The following CHN1 variants were observed in gnomAD, a reference collection of about 807,000 sequenced individuals.
The protein encoded by CHN1 is chimerin 1, also known as N-chimaerin.
In CHN1, 37 loss-of-function variants were observed where a neutral mutation model predicts 59.5. The observed-to-expected ratio is 0.62, with a 90% CI of 0.48 to 0.82. CHN1 has a LOEUF of 0.82. Ranked by LOEUF, CHN1 falls within the 40% of genes least tolerant of loss-of-function variation. The probability of loss-of-function intolerance (pLI) is 0.00; values close to 1 mark genes in which losing one functional copy is unlikely to be tolerated. For missense variants in CHN1, 469 were observed against 571.0 expected, an observed-to-expected ratio of 0.82 and a Z score of 1.82; for synonymous variants, 206 against 200.4, an observed-to-expected ratio of 1.03 and a Z score of -0.24.
intron 6 of CHN1, among the ~76,000 whole-genome samples, chr2:174,851,888 A>G (rs1462935018): frequency 6.6e-6 from 1 of 152,210 alleles, no homozygotes; most frequent in Non-Finnish European, 1.5e-5. Flanking sequence ...AGAACTGATA[A>G]ATGATTTTAC....
intron 6 of CHN1, among the ~76,000 whole-genome samples, chr2:174,853,871 T>G (rs1686820451): frequency 6.6e-6 from 1 of 152,152 alleles, no homozygotes; most frequent in African/African-American, 2.4e-5. Context: ...TGTTCTCACT[T>G]ACATGCAGAA....
intron 8 of CHN1, among the ~76,000 whole-genome samples, chr2:174,819,941 T>C (rs1011637965): frequency 6.6e-6 from 1 of 151,544 alleles, no homozygotes; most frequent in East Asian, 1.9e-4. Context: ...TGCGATAGTT[T>C]ACTGAGAATG....
chr2:174,957,625 T>C (rs1161440857), intron 1 of CHN1, among the ~76,000 whole-genome samples: 1 of 152,264 alleles, frequency 6.6e-6, no homozygotes, highest in East Asian at 1.9e-4. Flanking sequence ...GGAGCGAGTT[T>C]CCAGTTTATA....
intron 1 of CHN1, among the ~76,000 whole-genome samples, chr2:174,985,062 C>G (rs1353926400): frequency 6.6e-6 from 1 of 152,066 alleles, no homozygotes; most frequent in Non-Finnish European, 1.5e-5. Context: ...GTCTTTGATA[C>G]TATTTGCTTG....
At chr2:174,869,049 G>C (rs1483738672) in intron 6 of CHN1, among the ~76,000 whole-genome samples, 2 of 152,138 alleles carry the variant, frequency 1.3e-5, no homozygotes, top group South Asian at 2.1e-4. Context: ...CAGAGAGGAA[G>C]AGCAAAGGTA....
chr2:175,000,445 TTTTG>T (rs1041573677), intron 1 of CHN1, among the ~76,000 whole-genome samples: 27 of 151,976 alleles, frequency 1.8e-4, no homozygotes, highest in South Asian at 8.3e-4. Context: ...GCCTGATTTT[TTTTG>T]TTTGTTTGTT....
At chr2:174,879,464 G>T (rs1184476944) in intron 5 of CHN1, among the ~76,000 whole-genome samples, 1 of 152,072 alleles carries the variant, frequency 6.6e-6, no homozygotes, top group African/African-American at 2.4e-5. Context: ...TTACACTTAA[G>T]TGAACTATCC....
At chr2:174,880,749 T>A (rs1167528158) in intron 5 of CHN1, among the ~76,000 whole-genome samples, 1 of 152,244 alleles carries the variant, frequency 6.6e-6, no homozygotes, top group East Asian at 1.9e-4. Flanking sequence ...AAGTGCTAAA[T>A]TTAAAAAAGT....
intron 3 of CHN1, among the ~76,000 whole-genome samples, chr2:174,933,705 T>C (rs1434243965): frequency 1.3e-5 from 2 of 152,118 alleles, no homozygotes; most frequent in Non-Finnish European, 2.9e-5. Context: ...TAATAGGATA[T>C]TTGTGGGCTG....
rs201013236 is a variant in CHN1 at position 174,947,781 on chromosome 2, G to C, written c.59-2838C>G. ...TTACAGGTGTGAGCCACTGTGCCTA[G>C]TCAAGTCTTGGATATTTTATAACAA... On this transcript the variant is annotated intron_variant, in intron 2 of 12. Coordinates refer to ENST00000409900, the MANE Select transcript of CHN1 (RefSeq NM_001822.7). Among the ~76,000 whole-genome samples the C allele has an allele frequency of 4.6e-5, 7 of 152,146 alleles. No individual in the cohort carries two copies. In the East Asian group the frequency reaches 1.4e-3, roughly 29 times the overall value.
rs554195490 is a variant in CHN1, at chr2:174,880,192, G to T, written c.261-2064C>A. Among the ~76,000 whole-genome samples the T allele has an allele frequency of 2.0e-5, 3 of 152,272 alleles. No individual in the cohort carries two copies. In the South Asian group the frequency reaches 6.2e-4, roughly 32 times the overall value. On this transcript the variant is annotated intron_variant, in intron 5 of 12. Coordinates refer to ENST00000409900, the MANE Select transcript of CHN1 (RefSeq NM_001822.7). ...CAATAAAACTTTCAGTCTAAAGGGA[G>T]ATGATCACATAACCAAAAAACTTAT...
At chr2:174,814,515 T>C (rs527514507) in intron 8 of CHN1, among the ~76,000 whole-genome samples, 6 of 152,352 alleles carry the variant, frequency 3.9e-5, no homozygotes, top group Middle Eastern at 3.4e-3. Flanking sequence ...CTAGAATTTA[T>C]TAGCTGTGTG....
chr2:174,822,560 TA>T (rs545953414), intron 8 of CHN1, among the ~76,000 whole-genome samples: 164 of 152,278 alleles, frequency 1.1e-3, no homozygotes, highest in African/African-American at 3.6e-3. Context: ...GTGACAGTCA[TA>T]AAACATTTAA....
intron 8 of CHN1, among the ~76,000 whole-genome samples, chr2:174,822,661 T>G (rs1429674440): frequency 1.3e-5 from 2 of 152,234 alleles, no homozygotes; most frequent in Non-Finnish European, 2.9e-5. Flanking sequence ...AGGCAATTTG[T>G]GCTTTGGAAA....
At chr2:174,997,526 T>G (rs747899211) in intron 1 of CHN1, among the ~76,000 whole-genome samples, 2 of 152,308 alleles carry the variant, frequency 1.3e-5, no homozygotes, top group East Asian at 1.9e-4. Flanking sequence ...CTAAAAATCA[T>G]GTTTAATAGT....
chr2:174,857,633 C>T (rs916796655), intron 6 of CHN1, among the ~76,000 whole-genome samples: 2 of 152,144 alleles, frequency 1.3e-5, no homozygotes, highest in African/African-American at 4.8e-5. Flanking sequence ...CTAGGCTCTT[C>T]CTAATCAAAA....
chr2:174,862,369 T>C (rs907080548), intron 6 of CHN1, among the ~76,000 whole-genome samples: 2 of 151,782 alleles, frequency 1.3e-5, no homozygotes, highest in Admixed American at 1.3e-4. Flanking sequence ...AGTCTTGCTC[T>C]GTCGCCAGGC....
Position 175,005,150 on chromosome 2 carries a change from C to A in CHN1, c.-238G>T, listed in dbSNP as rs1026007229. ...CCCAGGGAGCCCCGCTAGCTCTCCG[C>A]GAGCCGGCACTTGTCGCTGCCATCA... is the stretch of plus-strand genomic sequence containing the variant. On this transcript the variant is annotated 5_prime_UTR_variant, in exon 1 of 13. Transcript: ENST00000409900. The A allele has an allele frequency of 2.9e-5, 37 of 1,285,344 alleles. No homozygotes were observed. The highest frequency in any genetic ancestry group is 3.6e-5 in the Non-Finnish European group (36 of 1,014,000). The allele number at this position is 1,285,344 out of a possible 1,614,324, so 79.6% of individuals were successfully genotyped here.
chr2:174,869,815 T>A lies in CHN1; in HGVS notation c.549+8025A>T, dbSNP rs146085725. Among the ~76,000 whole-genome samples, 26 of 152,238 alleles carry A rather than the reference T, an allele frequency of 1.7e-4. No homozygotes were observed. In the East Asian group the frequency reaches 4.8e-3, roughly 28 times the overall value. ...GAACTTAGGCAGCAGCCCAAAGCCA[T>A]TCTAAAGTTAATAAGCAAACTATAC... is the stretch of plus-strand genomic sequence containing the variant. On this transcript the variant is annotated intron_variant, in intron 6 of 12. Transcript: ENST00000409900.
Sources: gnomAD v4.1 joint callset for allele counts (sites outside exome capture counted in the v4.1 genomes callset) on GRCh38, gnomAD v4.1.1 for gene constraint, MANE v1.5 for transcripts, NCBI Gene and HGNC (gene_info 2026-07-23, HGNC 2026-07-21) for gene names.